MBTD1: variants seen among roughly 807,000 people sequenced by gnomAD.
The protein encoded by MBTD1 is MBT domain-containing protein 1.
In MBTD1, 24 loss-of-function variants were observed where a neutral mutation model predicts 87.8. The ratio of observed to expected loss-of-function variants is 0.27; its 90% CI spans 0.20 to 0.38. The LOEUF is 0.38. Ranked by LOEUF, MBTD1 falls within the 10% of genes least tolerant of loss-of-function variation. MBTD1 has a pLI of 1.00. For missense variants in MBTD1, 436 were observed against 760.2 expected (o/e 0.57, Z 5.02); for synonymous variants, 237 against 248.6 (o/e 0.95, Z 0.44).
At chr17:51,181,450 GC>G (rs1366471077) in intron 16 of MBTD1, among the ~76,000 whole-genome samples, 2 of 152,028 alleles carry the variant, frequency 1.3e-5, no homozygotes, top group African/African-American at 4.8e-5. Flanking sequence ...GTAAATCTGG[GC>G]TGGATGTGGT....
At chr17:51,180,752 C>G (rs2050268973) in intron 16 of MBTD1, 58 bp from the exon 17 acceptor site, 1 of 877,422 alleles carries the variant, frequency 1.1e-6, no homozygotes, top group African/African-American at 1.7e-5. Context: ...ACTCGGATTG[C>G]CTGTGATCTT....
intron 7 of MBTD1, among the ~76,000 whole-genome samples, chr17:51,204,497 T>TTATATATATATATATAATTA (rs2051695625): frequency 6.9e-6 from 1 of 144,546 alleles, no homozygotes; most frequent in Non-Finnish European, 1.5e-5. Context: ...TTATATATAA[T>TTATATATATATATATAATTA]TATATATATA....
intron 2 of MBTD1, among the ~76,000 whole-genome samples, chr17:51,245,496 A>G (rs1218290383): frequency 6.6e-6 from 1 of 151,878 alleles, no homozygotes; most frequent in Non-Finnish European, 1.5e-5. Context: ...TTTTCCTGGT[A>G]TTTGTATAGT....
intron 16 of MBTD1, 92 bp downstream of exon 16, chr17:51,192,111 C>T (rs2050844637): frequency 1.1e-6 from 1 of 937,636 alleles, no homozygotes; most frequent in Non-Finnish European, 1.7e-6. Context: ...ATCATCAGTT[C>T]TCACAAGATA....
rs2050167449 is a variant in MBTD1, at chr17:51,178,179, A to C, written c.*2397T>G. Reference sequence around the variant, plus strand: ...AGAGAATGGGGCGATTGAGTTGTACAACTGGAGTTATGGCTAAGACATAAA... The same window carrying C: ...AGAGAATGGGGCGATTGAGTTGTACCACTGGAGTTATGGCTAAGACATAAA... On this transcript the variant is annotated 3_prime_UTR_variant, in exon 17 of 17. Transcript: ENST00000586178. 6.6e-6 allele frequency: 1 copy of C among 152,220 alleles called. No individual in the cohort carries two copies. The allele number at this position is 152,220 out of a possible 1,614,324, so 9.4% of individuals were successfully genotyped here. A position where few individuals can be genotyped will look rare whatever the true frequency, so the allele number is the denominator to read the frequency against.
chr17:51,202,283 A>C (rs949970929), intron 10 of MBTD1, among the ~76,000 whole-genome samples: 15 of 152,238 alleles, frequency 9.9e-5, no homozygotes, highest in African/African-American at 2.9e-4. Flanking sequence ...ACATTCAGCC[A>C]ATTTTAATGC....
rs2050209252 is a variant in MBTD1 at position 51,179,490 on chromosome 17, A to ATATATATATATATATATTTATATT, written c.*1085_*1086insAATATAAATATATATATATATATA. ...AATACAATTAAAGACAATTTTATAT[A>ATATATATATATATATATTTATATT]TATATATATATATATATATATATAT... On this transcript the variant is annotated 3_prime_UTR_variant, in exon 17 of 17. Transcript: ENST00000586178. The ATATATATATATATATATTTATATT allele has an allele frequency of 2.8e-3, 65 of 23,530 alleles. 3 individuals carry two copies. The highest frequency in any genetic ancestry group is 4.2e-3 in the Non-Finnish European group (47 of 11,150). The allele number at this position is 23,530 out of a possible 1,614,324, so 1.5% of individuals were successfully genotyped here.
At chr17:51,257,682 T>C (rs1178539974) in intron 2 of MBTD1, among the ~76,000 whole-genome samples, 1 of 152,144 alleles carries the variant, frequency 6.6e-6, no homozygotes, top group Non-Finnish European at 1.5e-5. Context: ...TCAACTTAAG[T>C]CATGACAGTT....
intron 12 of MBTD1, among the ~76,000 whole-genome samples, chr17:51,197,063 T>G (rs1389456734): frequency 2.5e-3 from 3 of 1,182 alleles, no homozygotes; most frequent in Middle Eastern, 0.17. Flanking sequence ...TATATATATA[T>G]ATATATATAT....
At chr17:51,249,707 T>C (rs1340352668) in intron 2 of MBTD1, 1 of 152,200 alleles carries the variant, frequency 6.6e-6, no homozygotes, top group Non-Finnish European at 1.5e-5. Context: ...ATGGTTTTCT[T>C]TGTCCCTTTA....
intron 8 of MBTD1, 97 bp from the exon 9 acceptor site, chr17:51,203,325 CTAT>C: frequency 1.5e-6 from 1 of 658,888 alleles, no homozygotes; most frequent in Non-Finnish European, 2.4e-6. Context: ...CAAAGTCAGG[CTAT>C]TAACATTCTG....
intron 12 of MBTD1, among the ~76,000 whole-genome samples, chr17:51,199,223 A>C (rs1168388398): frequency 6.7e-6 from 1 of 150,016 alleles, no homozygotes; most frequent in East Asian, 2.0e-4. Context: ...TCAGCCTCCC[A>C]AGAACTGGGA....
At position 51,179,744 on chromosome 17, in the gene MBTD1, T is replaced by G. The variant is rs1215815751; in HGVS notation, c.*832A>C. 1 of 151,574 alleles carries G rather than the reference T, an allele frequency of 6.6e-6. No individual in the cohort carries two copies. Among genetic ancestry groups the G allele is most frequent in the Non-Finnish European group, 1.5e-5 (1 of 67,896 alleles). The allele number at this position is 151,574 out of a possible 1,614,324, so 9.4% of individuals were successfully genotyped here. On this transcript the variant is annotated 3_prime_UTR_variant, in exon 17 of 17. Transcript: ENST00000586178. ...CAGATAGAGGGAAATGGCAGAGAACTGATCAGAATCCCTTTCGTGGGGTAT... is the reference window on the plus strand; with the variant it reads ...CAGATAGAGGGAAATGGCAGAGAACGGATCAGAATCCCTTTCGTGGGGTAT...
At chr17:51,201,730 C>A (rs201743945) in intron 11 of MBTD1, 34 bp from the exon 12 acceptor site, 38 of 1,318,946 alleles carry the variant, frequency 2.9e-5, no homozygotes, top group African/African-American at 1.3e-4. Context: ...TCTACTGTTA[C>A]AAATGTTGTT....
chr17:51,209,693 A>G (rs1002873506), intron 6 of MBTD1, among the ~76,000 whole-genome samples: 1 of 152,180 alleles, frequency 6.6e-6, no homozygotes, highest in Admixed American at 6.5e-5. Context: ...CTGCCAACCA[A>G]AGACAACCAT....
intron 2 of MBTD1, among the ~76,000 whole-genome samples, chr17:51,228,535 C>T (rs1170769390): frequency 6.7e-6 from 1 of 148,796 alleles, no homozygotes; most frequent in Non-Finnish European, 1.5e-5. Context: ...CTACTCTAAC[C>T]ATTTCCAAAA....
At chr17:51,218,812 T>C in intron 5 of MBTD1, 118 bp downstream of exon 5, 2 of 644,640 alleles carry the variant, frequency 3.1e-6, no homozygotes, top group Non-Finnish European at 5.5e-6. Flanking sequence ...AGAGCTGTAA[T>C]GTGCTGACAG....
At chr17:51,186,110 TGGA>T (rs1459864391) in intron 16 of MBTD1, 1 of 152,660 alleles carries the variant, frequency 6.6e-6, no homozygotes, top group Admixed American at 6.5e-5. Context: ...GGGTTCGATA[TGGA>T]GGAGGAGTCA....
At chr17:51,224,621 GC>G (rs1241809772) in intron 3 of MBTD1, among the ~76,000 whole-genome samples, 1 of 152,124 alleles carries the variant, frequency 6.6e-6, no homozygotes, top group African/African-American at 2.4e-5. Flanking sequence ...GAATATCCAA[GC>G]ACCAGTTATG....
Sources: gnomAD v4.1 joint callset for allele counts (sites outside exome capture counted in the v4.1 genomes callset) on GRCh38, gnomAD v4.1.1 for gene constraint, MANE v1.5 for transcripts, NCBI Gene and HGNC (gene_info 2026-07-23, HGNC 2026-07-21) for gene names.